KCNIP4: variants seen among roughly 807,000 people sequenced by gnomAD.
The protein encoded by KCNIP4 is Kv channel-interacting protein 4.
Under a neutral mutation model 34.0 loss-of-function variants are expected in KCNIP4, and 12 were observed. That is an observed-to-expected ratio of 0.35 (90% CI 0.23 to 0.57). The LOEUF (loss-of-function observed/expected upper bound fraction) is 0.57, where lower values mean the gene tolerates loss of function less well. Ranked by LOEUF, KCNIP4 falls within the 20% of genes least tolerant of loss-of-function variation. The pLI is 0.83. For missense variants in KCNIP4, 238 were observed against 311.7 expected (o/e 0.76, Z 1.78); for synonymous variants, 124 against 102.2 (o/e 1.21, Z -1.29).
intron 3 of KCNIP4, among the ~76,000 whole-genome samples, chr4:20,836,545 G>A (rs936835673): frequency 6.6e-6 from 1 of 152,150 alleles, no homozygotes; most frequent in Admixed American, 6.5e-5. Flanking sequence ...TGTAGGGCAG[G>A]TGAGCAGGCT....
intron 1 of KCNIP4, chr4:21,849,363 G>T (rs1724226525): frequency 6.6e-6 from 1 of 152,030 alleles, no homozygotes; most frequent in Non-Finnish European, 1.5e-5. Context: ...GTGATAAGTG[G>T]CTTTTTTTCT....
chr4:21,629,849 C>CTTTCTTTT (rs777493931), intron 1 of KCNIP4, among the ~76,000 whole-genome samples: 1 of 87,802 alleles, frequency 1.1e-5, no homozygotes, highest in East Asian at 4.1e-4. Flanking sequence ...CTTTTTCTTT[C>CTTTCTTTT]TTTTTTTTTT....
intron 1 of KCNIP4, among the ~76,000 whole-genome samples, chr4:21,208,444 C>A (rs926728838): frequency 1.3e-5 from 2 of 152,118 alleles, no homozygotes; most frequent in Non-Finnish European, 2.9e-5. Flanking sequence ...ACAAAATAGT[C>A]TCTTCATAAC....
chr4:21,791,452 T>G (rs1372760572), intron 1 of KCNIP4, among the ~76,000 whole-genome samples: 1 of 151,728 alleles, frequency 6.6e-6, no homozygotes. Flanking sequence ...AGCAGACAAG[T>G]GAGAATTTGA....
intron 1 of KCNIP4, among the ~76,000 whole-genome samples, chr4:21,828,577 C>G (rs142103144): frequency 6.6e-6 from 1 of 151,646 alleles, no homozygotes; most frequent in East Asian, 1.9e-4. Flanking sequence ...CTAAAAAATG[C>G]CAGACCATAA....
intron 1 of KCNIP4, among the ~76,000 whole-genome samples, chr4:20,899,967 A>G (rs1195227236): frequency 6.6e-6 from 1 of 152,192 alleles, no homozygotes; most frequent in Non-Finnish European, 1.5e-5. Flanking sequence ...CATTCTACAA[A>G]TATCTGTTGA....
At chr4:21,579,329 T>G (rs1741019661) in intron 1 of KCNIP4, among the ~76,000 whole-genome samples, 1 of 152,174 alleles carries the variant, frequency 6.6e-6, no homozygotes, top group African/African-American at 2.4e-5. Flanking sequence ...ATAAAACTAC[T>G]GTGGGGAAAA....
At chr4:20,912,126 TA>T (rs1362796742) in intron 1 of KCNIP4, among the ~76,000 whole-genome samples, 1 of 152,184 alleles carries the variant, frequency 6.6e-6, no homozygotes, top group Admixed American at 6.5e-5. Context: ...GAAGGCAAAT[TA>T]TTTTACATTT....
Position 20,997,082 on chromosome 4 carries a change from C to T in KCNIP4, c.62-114373G>A, listed in dbSNP as rs140390342. ...TTAGACTAGGATGGGGGGAAAACTACGAAGACCTGCAAATATCTATAAGAG... is the reference window on the plus strand; with the variant it reads ...TTAGACTAGGATGGGGGGAAAACTATGAAGACCTGCAAATATCTATAAGAG... On this transcript the variant is annotated intron_variant, in intron 1 of 8. Coordinates refer to ENST00000382152, the MANE Select transcript of KCNIP4 (RefSeq NM_025221.6). Among the ~76,000 whole-genome samples, 117 of 152,112 alleles carry T rather than the reference C, an allele frequency of 7.7e-4. 1 individual carries two copies. The highest frequency in any genetic ancestry group is 1.5e-3 in the Admixed American group (23 of 15,286).
At position 21,046,742 on chromosome 4, in the gene KCNIP4, CAA is replaced by C. The variant is rs1427569940; in HGVS notation, c.62-164035_62-164034del. On this transcript the variant is annotated intron_variant, in intron 1 of 8. Transcript: ENST00000382152. Reference sequence around the variant, plus strand: ...AAGTAGCTGGGATTACAGGCACGCGCAACCACGCCAGGCTAATTTTGTATTTT... The same window carrying C: ...AAGTAGCTGGGATTACAGGCACGCGCCCACGCCAGGCTAATTTTGTATTTT... 2.0e-5 allele frequency among the ~76,000 whole-genome samples: 3 copies of C among 152,110 alleles called. No homozygotes were observed. The East Asian group carries it at 5.8e-4, about 29-fold the overall frequency.
chr4:21,582,188 T>C (rs1259431553), intron 1 of KCNIP4: 1 of 151,410 alleles, frequency 6.6e-6, no homozygotes, highest in African/African-American at 2.4e-5. Context: ...TGCTGTACTA[T>C]AATGTAAAAT....
chr4:21,305,139 T>G (rs912980167), intron 1 of KCNIP4, among the ~76,000 whole-genome samples: 2 of 151,918 alleles, frequency 1.3e-5, no homozygotes, highest in African/African-American at 4.8e-5. Flanking sequence ...CCAATTAAAG[T>G]CTCCTATTTC....
intron 3 of KCNIP4, among the ~76,000 whole-genome samples, chr4:20,836,882 T>C (rs530872103): frequency 2.3e-4 from 34 of 149,812 alleles, no homozygotes; most frequent in East Asian, 2.1e-3. Context: ...TTTTTTTTTT[T>C]CCATTGGATG....
At chr4:21,195,976 TTTCCCGGC>T (rs1254739221) in intron 1 of KCNIP4, among the ~76,000 whole-genome samples, 11 of 152,234 alleles carry the variant, frequency 7.2e-5, no homozygotes, top group African/African-American at 2.7e-4. Context: ...GCAACTCAAG[TTTCCCGGC>T]TTCTCTTTTT....
intron 1 of KCNIP4, among the ~76,000 whole-genome samples, chr4:21,184,023 C>T (rs760720462): frequency 1.3e-5 from 2 of 152,006 alleles, no homozygotes; most frequent in Admixed American, 6.6e-5. Context: ...TTGTATATTG[C>T]TGCTTGTTTT....
intron 1 of KCNIP4, among the ~76,000 whole-genome samples, chr4:21,634,305 C>T (rs1214226736): frequency 1.3e-5 from 2 of 150,246 alleles, no homozygotes; most frequent in Non-Finnish European, 1.5e-5. Context: ...CCCTGAATCT[C>T]ATTCAATGGA....
intron 3 of KCNIP4, among the ~76,000 whole-genome samples, chr4:20,802,048 T>C (rs971854195): frequency 6.6e-6 from 1 of 150,978 alleles, no homozygotes; most frequent in Non-Finnish European, 1.5e-5. Context: ...AATTATTTAA[T>C]GATATAGTGG....
intron 1 of KCNIP4, among the ~76,000 whole-genome samples, chr4:21,806,649 T>C (rs1320125676): frequency 1.3e-5 from 2 of 152,166 alleles, no homozygotes; most frequent in African/African-American, 4.8e-5. Context: ...CTTCTCAAAG[T>C]TCATGACCTG....
intron 3 of KCNIP4, among the ~76,000 whole-genome samples, chr4:20,848,620 T>A (rs1406613669): frequency 6.6e-6 from 1 of 152,072 alleles, no homozygotes; most frequent in Non-Finnish European, 1.5e-5. Flanking sequence ...ATGGCAGTAA[T>A]CATGATTCCA....
Sources: gnomAD v4.1 joint callset for allele counts (sites outside exome capture counted in the v4.1 genomes callset) on GRCh38, gnomAD v4.1.1 for gene constraint, MANE v1.5 for transcripts, NCBI Gene and HGNC (gene_info 2026-07-23, HGNC 2026-07-21) for gene names.